GALNT10: variants seen among roughly 807,000 people sequenced by gnomAD.
GALNT10 encodes the protein GalNAc transferase 10.
In GALNT10, 41 loss-of-function variants were observed where a neutral mutation model predicts 75.0. The ratio of observed to expected loss-of-function variants is 0.55; its 90% CI spans 0.43 to 0.71. GALNT10 has a LOEUF of 0.71. Ranked by LOEUF, GALNT10 falls within the 30% of genes least tolerant of loss-of-function variation. The probability of loss-of-function intolerance (pLI) is 0.00; values close to 1 mark genes in which losing one functional copy is unlikely to be tolerated. For missense variants in GALNT10, 727 were observed against 818.5 expected, an observed-to-expected ratio of 0.89 and a Z score of 1.36; for synonymous variants, 302 against 313.0, an observed-to-expected ratio of 0.96 and a Z score of 0.37.
intron 1 of GALNT10, among the ~76,000 whole-genome samples, chr5:154,241,014 C>T (rs1215560628): frequency 6.6e-6 from 1 of 152,184 alleles, no homozygotes; most frequent in African/African-American, 2.4e-5. Context: ...CTTAAATGCT[C>T]AGTAAATGGC....
At chr5:154,324,805 C>T (rs1312060402) in intron 3 of GALNT10, among the ~76,000 whole-genome samples, 1 of 152,042 alleles carries the variant, frequency 6.6e-6, no homozygotes, top group African/African-American at 2.4e-5. Flanking sequence ...TAAGTTGCTG[C>T]CCTCCTCTTA....
intron 1 of GALNT10, among the ~76,000 whole-genome samples, chr5:154,268,432 A>G (rs1231276418): frequency 1.3e-5 from 2 of 152,180 alleles, no homozygotes; most frequent in African/African-American, 2.4e-5. Context: ...CTGTACTTTC[A>G]GGCTCTCACC....
rs755716635 is a variant in GALNT10, at chr5:154,418,981, CTG to C, written c.*2012_*2013del. ...CAATGCAGCGTCGTTAAAATAAAAA[CTG>C]TGCCTTTTAAAAAGAAAAATGCAAA... On this transcript the variant is annotated 3_prime_UTR_variant, in exon 12 of 12. Coordinates refer to ENST00000297107, the MANE Select transcript of GALNT10 (RefSeq NM_198321.4). 1.3e-5 allele frequency: 2 copies of C among 152,418 alleles called. No homozygotes were observed. The highest frequency in any genetic ancestry group is 2.4e-5 in the African/African-American group (1 of 41,380). The allele number at this position is 152,418 out of a possible 1,614,324, so 9.4% of individuals were successfully genotyped here.
intron 1 of GALNT10, among the ~76,000 whole-genome samples, chr5:154,199,249 G>T (rs1429584131): frequency 2.0e-5 from 3 of 152,132 alleles, no homozygotes; most frequent in Non-Finnish European, 4.4e-5. Context: ...GCTGGTTTGG[G>T]CTTGGCCAAG....
At chr5:154,306,597 A>G (rs760509140) in intron 3 of GALNT10, among the ~76,000 whole-genome samples, 14 of 152,208 alleles carry the variant, frequency 9.2e-5, no homozygotes, top group Non-Finnish European at 1.0e-4. Context: ...AATTGATGAC[A>G]TCAACTTCCA....
intron 1 of GALNT10, among the ~76,000 whole-genome samples, chr5:154,237,412 G>A (rs4623204): frequency 0.59 from 90,287 of 151,910 alleles, 28,332 homozygotes; most frequent in East Asian, 0.84. Flanking sequence ...TTAAATCCAG[G>A]CTATTCATTG....
chr5:154,255,659 C>T (rs1275898597), intron 1 of GALNT10, among the ~76,000 whole-genome samples: 1 of 152,040 alleles, frequency 6.6e-6, no homozygotes, highest in Non-Finnish European at 1.5e-5. Context: ...TTTCCTCCCT[C>T]CAGGTCTAGT....
chr5:154,350,071 A>C (rs153421), intron 4 of GALNT10, among the ~76,000 whole-genome samples: 2 of 152,106 alleles, frequency 1.3e-5, no homozygotes, highest in Non-Finnish European at 2.9e-5. Context: ...GGACAGCCCT[A>C]CTCTAGAGAC....
At chr5:154,243,951 C>T (rs1437148090) in intron 1 of GALNT10, among the ~76,000 whole-genome samples, 3 of 152,142 alleles carry the variant, frequency 2.0e-5, no homozygotes, top group African/African-American at 7.2e-5. Context: ...AGCTTCTTGG[C>T]CAGAGTCCTC....
At chr5:154,198,371 T>C (rs1774977356) in intron 1 of GALNT10, among the ~76,000 whole-genome samples, 1 of 152,216 alleles carries the variant, frequency 6.6e-6, no homozygotes. Context: ...GTAAACATGG[T>C]GATGCCGCTG....
intron 2 of GALNT10, among the ~76,000 whole-genome samples, chr5:154,296,210 C>T (rs887900795): frequency 1.6e-4 from 24 of 152,282 alleles, no homozygotes; most frequent in African/African-American, 5.8e-4. Flanking sequence ...CCTCAGCCTC[C>T]CAAGTAGCTG....
intron 3 of GALNT10, among the ~76,000 whole-genome samples, chr5:154,324,517 G>A (rs35648067): frequency 0.08 from 12,241 of 152,228 alleles, 549 homozygotes; most frequent in Middle Eastern, 0.18. Context: ...TCTCCCCAGA[G>A]TGCCTCCCAA....
chr5:154,224,997 G>T (rs1267748538), intron 1 of GALNT10, among the ~76,000 whole-genome samples: 1 of 151,840 alleles, frequency 6.6e-6, no homozygotes, highest in Non-Finnish European at 1.5e-5. Context: ...GGCCAGGCTG[G>T]TCCTGAACTC....
intron 4 of GALNT10, among the ~76,000 whole-genome samples, chr5:154,355,622 G>T (rs1351937274): frequency 6.6e-6 from 1 of 152,240 alleles, no homozygotes; most frequent in Non-Finnish European, 1.5e-5. Flanking sequence ...GTCAAAGAAA[G>T]AAGTGATTTT....
intron 1 of GALNT10, among the ~76,000 whole-genome samples, chr5:154,251,054 C>T (rs1753512505): frequency 6.6e-6 from 1 of 152,006 alleles, no homozygotes; most frequent in Admixed American, 6.6e-5. Flanking sequence ...CTTTTTATTG[C>T]AAAATAAAAT....
intron 1 of GALNT10, among the ~76,000 whole-genome samples, chr5:154,231,396 A>G (rs1430656069): frequency 1.3e-5 from 2 of 152,220 alleles, no homozygotes; most frequent in Admixed American, 6.5e-5. Context: ...TTTCAAGCCC[A>G]TTGAATTCAG....
chr5:154,389,903 A>G (rs1365629633), intron 7 of GALNT10, among the ~76,000 whole-genome samples: 2 of 152,126 alleles, frequency 1.3e-5, no homozygotes, highest in Non-Finnish European at 2.9e-5. Flanking sequence ...ATTGTATTAA[A>G]TACAAAAAAA....
chr5:154,367,441 G>A (rs943294174), intron 4 of GALNT10, among the ~76,000 whole-genome samples: 1 of 152,210 alleles, frequency 6.6e-6, no homozygotes, highest in African/African-American at 2.4e-5. Flanking sequence ...GTGGGGACCA[G>A]TGTGAATCTG....
intron 4 of GALNT10, among the ~76,000 whole-genome samples, chr5:154,367,568 GT>G (rs1380329525): frequency 2.0e-5 from 3 of 152,104 alleles, no homozygotes; most frequent in African/African-American, 7.2e-5. Context: ...AAGAACTTCA[GT>G]TTTGGCCAGG....
Sources: gnomAD v4.1 joint callset for allele counts (sites outside exome capture counted in the v4.1 genomes callset) on GRCh38, gnomAD v4.1.1 for gene constraint, MANE v1.5 for transcripts, NCBI Gene and HGNC (gene_info 2026-07-23, HGNC 2026-07-21) for gene names.